The following RGS7 variants were observed in gnomAD, a reference collection of about 807,000 sequenced individuals.
RGS7 encodes regulator of G-protein signaling 7.
In RGS7, 27 loss-of-function variants were observed where a neutral mutation model predicts 81.1. The ratio of observed to expected loss-of-function variants is 0.33; its 90% confidence interval spans 0.25 to 0.46. The LOEUF (loss-of-function observed/expected upper bound fraction) is 0.46, where lower values mean the gene tolerates loss of function less well. Ranked by LOEUF, RGS7 falls within the 20% of genes least tolerant of loss-of-function variation. RGS7 has a pLI of 1.00. For missense variants in RGS7, 396 were observed against 607.4 expected (o/e 0.65, Z 3.66); for synonymous variants, 208 against 207.7 (o/e 1.00, Z -0.01).
chr1:240,909,416 C>T (rs1305911539), intron 6 of RGS7, among the ~76,000 whole-genome samples: 1 of 152,162 alleles, frequency 6.6e-6, no homozygotes, highest in Non-Finnish European at 1.5e-5. Context: ...CCCTAGTCTA[C>T]AATTTTGCCT....
At chr1:240,838,460 A>T (rs1425508534) in intron 9 of RGS7, among the ~76,000 whole-genome samples, 7 of 152,214 alleles carry the variant, frequency 4.6e-5, no homozygotes, top group Non-Finnish European at 1.0e-4. Context: ...GCCATAACAC[A>T]TACCTCGGTT....
intron 18 of RGS7, among the ~76,000 whole-genome samples, chr1:240,793,171 G>T (rs1009545788): frequency 5.3e-5 from 8 of 152,234 alleles, no homozygotes; most frequent in Non-Finnish European, 1.2e-4. Context: ...AACCCCCAGG[G>T]CTGTATCGGA....
intron 2 of RGS7, among the ~76,000 whole-genome samples, chr1:241,258,455 A>G (rs2077151098): frequency 1.3e-5 from 2 of 152,310 alleles, no homozygotes; most frequent in Non-Finnish European, 2.9e-5. Flanking sequence ...TTCAAAAGCA[A>G]TTAATTCGGT....
chr1:241,221,206 G>A (rs2074990661), intron 2 of RGS7, among the ~76,000 whole-genome samples: 1 of 151,940 alleles, frequency 6.6e-6, no homozygotes, highest in African/African-American at 2.4e-5. Flanking sequence ...GAGAAAGAAA[G>A]AAAAAGAGAC....
chr1:241,153,794 C>G (rs941465477), intron 2 of RGS7, among the ~76,000 whole-genome samples: 2 of 152,168 alleles, frequency 1.3e-5, no homozygotes, highest in Admixed American at 1.3e-4. Context: ...TTGGTCTCTT[C>G]AAATACAGCA....
At chr1:241,154,387 G>A (rs1380872336) in intron 2 of RGS7, among the ~76,000 whole-genome samples, 1 of 152,182 alleles carries the variant, frequency 6.6e-6, no homozygotes, top group Admixed American at 6.5e-5. Flanking sequence ...GGCTGTGGAG[G>A]AGGCCAGTGT....
At chr1:241,267,729 T>C (rs2077667386) in intron 2 of RGS7, among the ~76,000 whole-genome samples, 3 of 152,248 alleles carry the variant, frequency 2.0e-5, no homozygotes, top group Admixed American at 2.0e-4. Context: ...TTCTTCTATG[T>C]ATTTTTTTAG....
chr1:241,116,404 G>C (rs1300870994), intron 2 of RGS7, among the ~76,000 whole-genome samples: 1 of 152,036 alleles, frequency 6.6e-6, no homozygotes, highest in Non-Finnish European at 1.5e-5. Flanking sequence ...CCGTATATAG[G>C]TTTTTCTATT....
intron 3 of RGS7, among the ~76,000 whole-genome samples, chr1:241,062,798 G>T (rs571513679): frequency 6.6e-6 from 1 of 152,252 alleles, no homozygotes; most frequent in South Asian, 2.1e-4. Context: ...AAACACCGTA[G>T]AGTATAGCCC....
At chr1:241,000,760 G>GC (rs1461054895) in intron 3 of RGS7, among the ~76,000 whole-genome samples, 3 of 150,786 alleles carry the variant, frequency 2.0e-5, no homozygotes, top group Non-Finnish European at 2.9e-5. Flanking sequence ...TGATTCTCAT[G>GC]CCTCAGCCTC....
intron 5 of RGS7, among the ~76,000 whole-genome samples, chr1:240,935,173 C>T (rs761463292): frequency 1.1e-4 from 16 of 152,024 alleles, no homozygotes; most frequent in Admixed American, 2.0e-4. Context: ...GCTGGGACTA[C>T]AGGCATGAGC....
intron 18 of RGS7, among the ~76,000 whole-genome samples, chr1:240,785,243 G>A (rs1345162437): frequency 6.6e-6 from 1 of 152,146 alleles, no homozygotes; most frequent in East Asian, 1.9e-4. Context: ...CCACGAAGTG[G>A]TTCTTTGGCT....
rs1406831459 is a variant in RGS7 at position 240,868,148 on chromosome 1, A to AAGAAAG, written c.609+433_609+438dup. ...AAAGAAAGAAAGAAAGAAAGAAAGAAAGAAAGAAAGGACGGAGGGAGGGAA... is the reference window on the plus strand; with the variant it reads ...AAAGAAAGAAAGAAAGAAAGAAAGAAAGAAAGAGAAAGAAAGGACGGAGGGAGGGAA... On this transcript the variant is annotated intron_variant, in intron 9 of 18. Coordinates refer to ENST00000440928, the MANE Select transcript of RGS7 (RefSeq NM_001364886.1). This position sits in a 1 kb window ranked among gnomAD's most constrained non-coding sequence, Gnocchi z 5.1. 1.0e-5 allele frequency among the ~76,000 whole-genome samples: 1 copy of AAGAAAG among 99,652 alleles called. No homozygotes were observed. The highest frequency in any genetic ancestry group is 2.1e-4 in the East Asian group (1 of 4,810). 65.4% of individuals were successfully genotyped at this position (99,652 alleles called of 152,430 possible). A position where few individuals can be genotyped will look rare whatever the true frequency, so the allele number is the denominator to read the frequency against.
At chr1:240,863,050 C>T (rs865785063) in intron 9 of RGS7, among the ~76,000 whole-genome samples, 3 of 151,838 alleles carry the variant, frequency 2.0e-5, no homozygotes, top group South Asian at 4.2e-4. Context: ...AACTCCTGGC[C>T]GCAAGGAATC....
At chr1:240,815,104 A>C (rs1029194940) in intron 11 of RGS7, among the ~76,000 whole-genome samples, 33 of 152,140 alleles carry the variant, frequency 2.2e-4, no homozygotes, top group African/African-American at 8.0e-4. Flanking sequence ...TTGGGAGGTC[A>C]AGGTGGGTGG....
intron 2 of RGS7, among the ~76,000 whole-genome samples, chr1:241,351,854 G>A (rs948488657): frequency 6.6e-6 from 1 of 152,150 alleles, no homozygotes; most frequent in Non-Finnish European, 1.5e-5. Context: ...TTTCTTTTCT[G>A]ACAGCTTGAG....
intron 3 of RGS7, among the ~76,000 whole-genome samples, chr1:241,028,856 T>C (rs2059923575): frequency 6.6e-6 from 1 of 152,124 alleles, no homozygotes; most frequent in Admixed American, 6.5e-5. Flanking sequence ...GATGCGACGA[T>C]GACTACCAAG....
intron 3 of RGS7, among the ~76,000 whole-genome samples, chr1:241,077,376 T>C (rs1450244636): frequency 6.6e-6 from 1 of 152,088 alleles, no homozygotes; most frequent in Non-Finnish European, 1.5e-5. Flanking sequence ...TAAAAATATG[T>C]TCTGTGTGAT....
intron 2 of RGS7, among the ~76,000 whole-genome samples, chr1:241,105,603 T>G (rs1202852270): frequency 6.6e-6 from 1 of 152,204 alleles, no homozygotes; most frequent in Non-Finnish European, 1.5e-5. Flanking sequence ...ACCTTTCCAG[T>G]TCTCTAATGT....
Sources: gnomAD v4.1 joint callset for allele counts (sites outside exome capture counted in the v4.1 genomes callset) on GRCh38, gnomAD v4.1.1 for gene constraint, Gnocchi (gnomAD v3.1) non-coding constraint, MANE v1.5 for transcripts, NCBI Gene and HGNC (gene_info 2026-07-23, HGNC 2026-07-21) for gene names.